The following CSTF3 variants were observed in gnomAD, a reference collection of about 807,000 sequenced individuals.
The protein encoded by CSTF3 is cleavage stimulation factor subunit 3, also known as CF-1 77 kDa subunit.
Under a neutral mutation model 105.8 loss-of-function variants are expected in CSTF3, and 29 were observed. That is an observed-to-expected ratio of 0.27 (90% CI 0.20 to 0.37). The LOEUF is 0.37. Ranked by LOEUF, CSTF3 falls within the 10% of genes least tolerant of loss-of-function variation. CSTF3 has a pLI of 1.00. For missense variants in CSTF3, 357 were observed against 879.3 expected (o/e 0.41, Z 7.51); for synonymous variants, 252 against 281.9 (o/e 0.89, Z 1.06).
chr11:33,116,074 A>G (rs904353264), intron 3 of CSTF3, among the ~76,000 whole-genome samples: 1 of 152,246 alleles, frequency 6.6e-6, no homozygotes, highest in Non-Finnish European at 1.5e-5. Flanking sequence ...AGTGTAAATT[A>G]TAGACCACTG....
Sources: gnomAD v4.1 joint callset for allele counts (sites outside exome capture counted in the v4.1 genomes callset) on GRCh38, gnomAD v4.1.1 for gene constraint, MANE v1.5 for transcripts, NCBI Gene and HGNC (gene_info 2026-07-23, HGNC 2026-07-21) for gene names.